The following EYA2 variants were observed in gnomAD, a reference collection of about 807,000 sequenced individuals.
The protein encoded by EYA2 is EYA transcriptional coactivator and phosphatase 2.
In EYA2, 31 loss-of-function variants were observed where a neutral mutation model predicts 69.2. The observed-to-expected ratio is 0.45, with a 90% CI of 0.34 to 0.60. EYA2 has a LOEUF of 0.60. Among genes scored for constraint, EYA2 ranks in the 20% least tolerant of loss-of-function variants. The pLI, the probability that EYA2 is intolerant of heterozygous loss-of-function variation, is 0.02. For missense variants in EYA2, 622 were observed against 701.2 expected, an observed-to-expected ratio of 0.89 and a Z score of 1.28; for synonymous variants, 257 against 279.4, an observed-to-expected ratio of 0.92 and a Z score of 0.80.
chr20:47,127,128 A>G (rs2033212273), intron 9 of EYA2, among the ~76,000 whole-genome samples: 1 of 151,976 alleles, frequency 6.6e-6, no homozygotes, highest in Admixed American at 6.6e-5. Flanking sequence ...AAGTTAATTA[A>G]TTAACTTAGT....
chr20:47,122,479 T>A (rs2033079636), intron 9 of EYA2, among the ~76,000 whole-genome samples: 1 of 151,892 alleles, frequency 6.6e-6, no homozygotes, highest in African/African-American at 2.4e-5. Context: ...TTGTATTTTT[T>A]AGTAGAGATG....
rs185482881 is a variant in EYA2 at position 47,080,563 on chromosome 20, A to T, written c.661+6228A>T. 1.2e-3 allele frequency among the ~76,000 whole-genome samples: 190 copies of T among 152,250 alleles called. 1 individual carries two copies. Among genetic ancestry groups the T allele is most frequent in the African/African-American group, 3.9e-3 (163 of 41,558 alleles). On this transcript the variant is annotated intron_variant, in intron 7 of 15. Transcript: ENST00000327619. ...AATTTCAGTTAATAGGAATAAGTTC[A>T]GAAGAACTATTGTACAATATGGTGA...
chr20:47,004,938 A>G lies in EYA2; in HGVS notation c.156-4A>G. 3 of 1,614,014 alleles carry G rather than the reference A, an allele frequency of 1.9e-6. No individual in the cohort carries two copies. The highest frequency in any genetic ancestry group is 2.5e-6 in the Non-Finnish European group (3 of 1,179,958). On this transcript the variant is annotated splice_polypyrimidine_tract_variant and splice_region_variant and intron_variant, in intron 3 of 15. Transcript: ENST00000327619. ...GAGATTTAATCTTCCCTCTTTCCAC[A>G]CAGATCTTGCCCACGTGTCCTCCCC...
At chr20:46,987,779 T>G (rs1288532832) in intron 1 of EYA2, among the ~76,000 whole-genome samples, 1 of 151,134 alleles carries the variant, frequency 6.6e-6, no homozygotes, top group Non-Finnish European at 1.5e-5. Context: ...ATATAAAAAT[T>G]AGCTGGGTGT....
At chr20:46,905,941 T>G (rs574622115) in intron 1 of EYA2, among the ~76,000 whole-genome samples, 2 of 151,290 alleles carry the variant, frequency 1.3e-5, no homozygotes, top group African/African-American at 4.9e-5. Flanking sequence ...CTTACTGTTC[T>G]TCAGGTAGCT....
At chr20:46,979,692 G>C (rs1378408337) in intron 1 of EYA2, 1 of 152,086 alleles carries the variant, frequency 6.6e-6, no homozygotes, top group African/African-American at 2.4e-5. Flanking sequence ...CCAAAGTGCA[G>C]CAGAGCTCAA....
chr20:47,029,511 G>A (rs1463551669), intron 5 of EYA2, among the ~76,000 whole-genome samples: 1 of 152,210 alleles, frequency 6.6e-6, no homozygotes, highest in Non-Finnish European at 1.5e-5. Flanking sequence ...GGGGAAGCAT[G>A]ATCAGGTCCT....
intron 9 of EYA2, among the ~76,000 whole-genome samples, chr20:47,138,743 C>T (rs1013954357): frequency 6.6e-6 from 1 of 150,794 alleles, no homozygotes; most frequent in African/African-American, 2.4e-5. Context: ...AAGTGAGACC[C>T]TGTCTCAAAA....
intron 5 of EYA2, among the ~76,000 whole-genome samples, chr20:47,047,977 C>T (rs554155088): frequency 6.6e-6 from 1 of 152,122 alleles, no homozygotes; most frequent in Admixed American, 6.5e-5. Context: ...CGCGCCCCTG[C>T]CTCCCTCTTA....
At chr20:47,171,530 G>C (rs182439676) in intron 11 of EYA2, among the ~76,000 whole-genome samples, 2 of 152,206 alleles carry the variant, frequency 1.3e-5, no homozygotes, top group Admixed American at 1.3e-4. Flanking sequence ...CCCTAGGAGA[G>C]AGAGATGCTT....
chr20:47,133,960 G>A (rs2033400259), intron 9 of EYA2, among the ~76,000 whole-genome samples: 1 of 152,222 alleles, frequency 6.6e-6, no homozygotes. Context: ...TCAAGTGGAA[G>A]TGCATGGTGT....
chr20:46,941,554 G>C (rs1378166185), intron 1 of EYA2, among the ~76,000 whole-genome samples: 1 of 152,192 alleles, frequency 6.6e-6, no homozygotes, highest in East Asian at 1.9e-4. Flanking sequence ...AAAAGAAGCA[G>C]TAACAGAGTG....
chr20:47,048,629 C>A (rs1041799500), intron 5 of EYA2, among the ~76,000 whole-genome samples: 1 of 152,086 alleles, frequency 6.6e-6, no homozygotes, highest in Non-Finnish European at 1.5e-5. Context: ...CACAGCTACT[C>A]GGGAGGCTGA....
At chr20:46,979,937 C>T (rs1980719135) in intron 1 of EYA2, 1 of 152,174 alleles carries the variant, frequency 6.6e-6, no homozygotes, top group South Asian at 2.1e-4. Flanking sequence ...AGAACTGAGG[C>T]TCAGATAAGT....
At chr20:47,007,606 A>T (rs371628085) in intron 4 of EYA2, among the ~76,000 whole-genome samples, 1 of 151,704 alleles carries the variant, frequency 6.6e-6, no homozygotes, top group African/African-American at 2.4e-5. Context: ...GGTTTTTTTT[A>T]ATTTTATTCT....
At chr20:46,928,735 C>A (rs1388122400) in intron 1 of EYA2, among the ~76,000 whole-genome samples, 3 of 152,246 alleles carry the variant, frequency 2.0e-5, no homozygotes. Flanking sequence ...GTCGATGTAA[C>A]ATTTGCTCAC....
At chr20:47,081,329 A>T (rs966829923) in intron 7 of EYA2, among the ~76,000 whole-genome samples, 1 of 148,426 alleles carries the variant, frequency 6.7e-6, no homozygotes, top group South Asian at 2.1e-4. Context: ...TGTTTTTAGT[A>T]AAAAAAAAAT....
intron 7 of EYA2, among the ~76,000 whole-genome samples, chr20:47,081,520 T>G (rs1273521044): frequency 1.6e-4 from 25 of 152,046 alleles, no homozygotes. Flanking sequence ...GGCTCATGCC[T>G]GTAATCCCAG....
At chr20:46,992,286 C>T (rs1401224528) in intron 2 of EYA2, among the ~76,000 whole-genome samples, 2 of 152,194 alleles carry the variant, frequency 1.3e-5, no homozygotes, top group East Asian at 1.9e-4. Context: ...CCCCATTTTA[C>T]AGACGAGGAA....
Sources: gnomAD v4.1 joint callset for allele counts (sites outside exome capture counted in the v4.1 genomes callset) on GRCh38, gnomAD v4.1.1 for gene constraint, MANE v1.5 for transcripts, NCBI Gene and HGNC (gene_info 2026-07-23, HGNC 2026-07-21) for gene names.